The following DNAH17 variants were observed in gnomAD, a reference collection of about 807,000 sequenced individuals.
The protein encoded by DNAH17 is axonemal beta dynein heavy chain 17.
DNAH17 carries 376 observed loss-of-function variants against 485.6 expected under a neutral mutation model. The ratio of observed to expected loss-of-function variants is 0.77; its 90% CI spans 0.71 to 0.84. The LOEUF is 0.84. Among genes scored for constraint, DNAH17 ranks in the 40% least tolerant of loss-of-function variants. The pLI, the probability that DNAH17 is intolerant of heterozygous loss-of-function variation, is 0.00. For synonymous variants in DNAH17, 3,031 were observed against 2,405.9 expected, an observed-to-expected ratio of 1.26 and a Z score of -7.60; for missense variants, 6,370 against 5,839.3, an observed-to-expected ratio of 1.09 and a Z score of -2.96.
chr17:78,542,797 G>A (rs1598687225), intron 17 of DNAH17, among the ~76,000 whole-genome samples: 3 of 152,306 alleles, frequency 2.0e-5, no homozygotes, highest in Non-Finnish European at 2.9e-5. Context: ...ACATATGCAG[G>A]TAGTGATACA....
chr17:78,535,759 T>C (rs930302089), intron 19 of DNAH17, among the ~76,000 whole-genome samples: 1 of 152,158 alleles, frequency 6.6e-6, no homozygotes, highest in Non-Finnish European at 1.5e-5. Context: ...TGAAACCATA[T>C]TCTAAACATT....
intron 20 of DNAH17, among the ~76,000 whole-genome samples, chr17:78,531,560 G>C (rs370284577): frequency 6.6e-6 from 1 of 151,886 alleles, no homozygotes; most frequent in South Asian, 2.1e-4. Flanking sequence ...GGATGGTCTC[G>C]ATCTCCTGAC....
intron 13 of DNAH17, 69 bp from the exon 14 acceptor site, chr17:78,558,323 G>A (rs1156534119): frequency 1.3e-6 from 2 of 1,550,992 alleles, no homozygotes; most frequent in African/African-American, 2.7e-5. Context: ...TCAAGCAACA[G>A]AAATGAGCAT....
chr17:78,480,845 C>A (rs2089316340), intron 48 of DNAH17, 59 bp from the exon 49 acceptor site: 7 of 1,194,898 alleles, frequency 5.9e-6, no homozygotes, highest in Non-Finnish European at 8.6e-6. Flanking sequence ...CATCCCCTGC[C>A]CCCACTGTGC....
At chr17:78,501,365 C>G in intron 34 of DNAH17, 21 bp from the exon 35 acceptor site, 1 of 1,574,488 alleles carries the variant, frequency 6.4e-7, no homozygotes, top group Non-Finnish European at 8.7e-7. Context: ...AGCCGGAGCT[C>G]TTGTTGCCAG....
intron 35 of DNAH17, chr17:78,500,740 G>C (rs4969162): frequency 0.34 from 83,382 of 242,538 alleles, 15,300 homozygotes; most frequent in African/African-American, 0.5. Context: ...AACTCCTGAC[G>C]TCAGGTGATC....
intron 66 of DNAH17, 67 bp downstream of exon 66, chr17:78,451,400 TCA>T (rs975482281): frequency 1.4e-6 from 2 of 1,460,928 alleles, no homozygotes; most frequent in African/African-American, 2.9e-5. Context: ...TCGGGGACCC[TCA>T]CAGTGACCTG....
chr17:78,567,202 A>G (rs2092281974), intron 9 of DNAH17, 36 bp from the exon 10 acceptor site: 1 of 1,565,502 alleles, frequency 6.4e-7, no homozygotes, highest in Non-Finnish European at 8.7e-7. Flanking sequence ...ATTCATCTTC[A>G]CAACCCAACT....
At chr17:78,441,738 A>T (rs2087084560) in intron 71 of DNAH17, among the ~76,000 whole-genome samples, 1 of 152,092 alleles carries the variant, frequency 6.6e-6, no homozygotes, top group Non-Finnish European at 1.5e-5. Flanking sequence ...TTCTTCTGTG[A>T]TCACAGAGGG....
chr17:78,571,939 T>C (rs998304213), intron 3 of DNAH17, among the ~76,000 whole-genome samples, 157 bp from the exon 4 acceptor site: 1 of 152,126 alleles, frequency 6.6e-6, no homozygotes, highest in Admixed American at 6.5e-5. Context: ...TCGGGGACGC[T>C]AAAGAAGTTC....
In DNAH17 at chr17:78,462,296, G is replaced by A. The variant is rs1422380154; in HGVS notation, c.9174+548C>T. ...GGGGCAGGGGTGCGAAAGCTCCCCTGGAAGCAAGTGGGAGGTCCCAGTCTG... is the reference window on the plus strand; with the variant it reads ...GGGGCAGGGGTGCGAAAGCTCCCCTAGAAGCAAGTGGGAGGTCCCAGTCTG... On this transcript the variant is annotated intron_variant, in intron 57 of 80. Transcript: ENST00000389840. 1.1e-4 allele frequency among the ~76,000 whole-genome samples: 16 copies of A among 151,932 alleles called. No individual in the cohort carries two copies. In the East Asian group the frequency reaches 2.7e-3, roughly 26 times the overall value.
chr17:78,443,544 TCTTTTTA>T (rs921488817), intron 71 of DNAH17, among the ~76,000 whole-genome samples: 1 of 46,132 alleles, frequency 2.2e-5, no homozygotes, highest in African/African-American at 6.5e-5. Context: ...AGAAGGGAAT[TCTTTTTA>T]TTTTTATTTT....
chr17:78,547,940 A>G (rs1315589154), intron 16 of DNAH17, among the ~76,000 whole-genome samples: 1 of 152,146 alleles, frequency 6.6e-6, no homozygotes, highest in Non-Finnish European at 1.5e-5. Context: ...AGTAACAACT[A>G]TGATTTTTAT....
At chr17:78,480,210 G>A (rs144247930) in intron 49 of DNAH17, among the ~76,000 whole-genome samples, 1,615 of 151,768 alleles carry the variant, frequency 0.011, 20 homozygotes, top group Admixed American at 0.038. Context: ...TTAGCCAGGT[G>A]TGGTGGCGCA....
In DNAH17 at chr17:78,540,265, G is replaced by A. The variant is rs578070184; in HGVS notation, c.2533-385C>T. 9.9e-5 allele frequency among the ~76,000 whole-genome samples: 14 copies of A among 141,522 alleles called. No individual in the cohort carries two copies. In the East Asian group the frequency reaches 2.0e-3, roughly 20 times the overall value. 92.8% of individuals were successfully genotyped at this position (141,522 alleles called of 152,430 possible). A position where few individuals can be genotyped will look rare whatever the true frequency, so the allele number is the denominator to read the frequency against. ...TTTTGATGCCCAAATTCATGAAGGT[G>A]AAGGTTGACCATCCTCTCCACCACT... is the stretch of plus-strand genomic sequence containing the variant. On this transcript the variant is annotated intron_variant, in intron 17 of 80. Transcript: ENST00000389840.
chr17:78,547,915 G>C (rs1015861598), intron 16 of DNAH17, among the ~76,000 whole-genome samples: 8 of 152,128 alleles, frequency 5.3e-5, no homozygotes, highest in Non-Finnish European at 1.2e-4. Context: ...ACCATGCCCA[G>C]CCTATTACTT....
At chr17:78,526,505 T>G in intron 24 of DNAH17, 146 bp downstream of exon 24, 1 of 641,078 alleles carries the variant, frequency 1.6e-6, no homozygotes, top group Non-Finnish European at 2.7e-6. Flanking sequence ...CGTATGTGCA[T>G]GCATACACAT....
intron 71 of DNAH17, among the ~76,000 whole-genome samples, chr17:78,441,586 T>C (rs74001327): frequency 0.022 from 3,323 of 152,146 alleles, 124 homozygotes; most frequent in African/African-American, 0.072. Context: ...CAACTTCAGA[T>C]GATATAAACA....
intron 53 of DNAH17, 32 bp downstream of exon 53, chr17:78,475,637 C>A: frequency 6.2e-7 from 1 of 1,611,268 alleles, no homozygotes; most frequent in South Asian, 1.1e-5. Flanking sequence ...GTCCAGGTCC[C>A]GTGCCCTTGC....
Sources: gnomAD v4.1 joint callset for allele counts (sites outside exome capture counted in the v4.1 genomes callset) on GRCh38, gnomAD v4.1.1 for gene constraint, MANE v1.5 for transcripts, NCBI Gene and HGNC (gene_info 2026-07-23, HGNC 2026-07-21) for gene names.